The following PRKCQ variants were observed in gnomAD, a reference collection of about 807,000 sequenced individuals.
PRKCQ encodes the protein protein kinase C theta.
In PRKCQ, 41 loss-of-function variants were observed where a neutral mutation model predicts 91.2. The ratio of observed to expected loss-of-function variants is 0.45; its 90% CI spans 0.35 to 0.58. The LOEUF is 0.58. Ranked by LOEUF, PRKCQ falls within the 20% of genes least tolerant of loss-of-function variation. The pLI is 0.00. For missense variants in PRKCQ, 673 were observed against 896.5 expected (o/e 0.75, Z 3.18); for synonymous variants, 307 against 316.9 (o/e 0.97, Z 0.33).
chr10:6,443,685 A>C (rs1442235847), intron 15 of PRKCQ, among the ~76,000 whole-genome samples: 4 of 152,328 alleles, frequency 2.6e-5, no homozygotes, highest in Non-Finnish European at 4.4e-5. Context: ...GGCGTTGAAG[A>C]AAATGTGGTA....
At chr10:6,546,051 G>A (rs571776134) in intron 1 of PRKCQ, among the ~76,000 whole-genome samples, 11 of 152,214 alleles carry the variant, frequency 7.2e-5, no homozygotes, top group Admixed American at 3.3e-4. Flanking sequence ...TTTGTGTTAC[G>A]CGTATTCTAG....
intron 15 of PRKCQ, 148 bp downstream of exon 15, chr10:6,456,526 G>T: frequency 2.1e-6 from 2 of 975,128 alleles, no homozygotes; most frequent in Non-Finnish European, 2.9e-6. Flanking sequence ...AAACCCACAT[G>T]CATGGTGGCG....
At chr10:6,456,278 T>C (rs571908637) in intron 15 of PRKCQ, among the ~76,000 whole-genome samples, 1 of 152,340 alleles carries the variant, frequency 6.6e-6, no homozygotes, top group South Asian at 2.1e-4. Context: ...ACTTTGGCAA[T>C]CACTCTGTGC....
chr10:6,491,009 T>C (rs768151961), intron 8 of PRKCQ, among the ~76,000 whole-genome samples: 3 of 152,198 alleles, frequency 2.0e-5, no homozygotes, highest in Non-Finnish European at 2.9e-5. Context: ...GTTTCCTTTT[T>C]TGATGGTAGG....
chr10:6,475,234 C>T (rs1426534159), intron 12 of PRKCQ, among the ~76,000 whole-genome samples: 1 of 152,150 alleles, frequency 6.6e-6, no homozygotes. Flanking sequence ...GGTGCCGTCC[C>T]ATTAGGGCCC....
At position 6,547,755 on chromosome 10, in the gene PRKCQ, G is replaced by A. The variant is rs1235486565; in HGVS notation, c.-10+32456C>T. Among the ~76,000 whole-genome samples, 12 of 152,068 alleles carry A rather than the reference G, an allele frequency of 7.9e-5. No individual in the cohort carries two copies. In the South Asian group the frequency reaches 1.2e-3, roughly 16 times the overall value. ...TTCAAGATGGATTAAAGACTTCAAC[G>A]TTAGACCTAAAACCATAAAAACCCT... On this transcript the variant is annotated intron_variant, in intron 1 of 17. Coordinates refer to ENST00000263125, the MANE Select transcript of PRKCQ (RefSeq NM_006257.5).
At chr10:6,474,261 C>T (rs1836148503) in intron 12 of PRKCQ, among the ~76,000 whole-genome samples, 1 of 152,188 alleles carries the variant, frequency 6.6e-6, no homozygotes, top group Non-Finnish European at 1.5e-5. Context: ...CCTGGGAGGC[C>T]TCTCTTCAGA....
chr10:6,430,692 G>T lies in PRKCQ; in HGVS notation c.1965+118C>A. On this transcript the variant is annotated intron_variant, in intron 17 of 17. Coordinates refer to ENST00000263125, the MANE Select transcript of PRKCQ (RefSeq NM_006257.5). This position sits in a 1 kb window ranked among gnomAD's most constrained non-coding sequence, Gnocchi z 4.7. ...GACGTGCATTCCTCCTGGAGAGTGGGGCTGGTGGGGAGTTGGGGCACCGGC... is the reference window on the plus strand; with the variant it reads ...GACGTGCATTCCTCCTGGAGAGTGGTGCTGGTGGGGAGTTGGGGCACCGGC... 7.1e-7 allele frequency: 1 copy of T among 1,399,364 alleles called. No homozygotes were observed. The highest frequency in any genetic ancestry group is 9.8e-7 in the Non-Finnish European group (1 of 1,021,728). 86.7% of individuals were successfully genotyped at this position (1,399,364 alleles called of 1,614,324 possible).
At position 6,576,317 on chromosome 10, in the gene PRKCQ, C is replaced by A. The variant is rs1303285403; in HGVS notation, c.-10+3894G>T. On this transcript the variant is annotated intron_variant, in intron 1 of 17. Transcript: ENST00000263125. This position sits in a 1 kb window ranked among gnomAD's most constrained non-coding sequence, Gnocchi z 4.2. ...AGATAGAAGCAACCATCAACAGATACAAGGATAAGCAAAATGTGGTATATC... is the reference window on the plus strand; with the variant it reads ...AGATAGAAGCAACCATCAACAGATAAAAGGATAAGCAAAATGTGGTATATC... Among the ~76,000 whole-genome samples, 1 of 152,118 alleles carries A rather than the reference C, an allele frequency of 6.6e-6. No individual in the cohort carries two copies. Among genetic ancestry groups the A allele is most frequent in the African/African-American group, 2.4e-5 (1 of 41,410 alleles).
At chr10:6,401,874 G>A in the PRKCQ span, among the ~76,000 whole-genome samples, 1 of 152,196 alleles carries the variant, frequency 6.6e-6, no homozygotes, top group African/African-American at 2.4e-5. Context: ...GCTGAAGCCT[G>A]GAATTCTTCC....
At chr10:6,404,582 T>C in the PRKCQ span, among the ~76,000 whole-genome samples, 1 of 145,056 alleles carries the variant, frequency 6.9e-6, no homozygotes. Flanking sequence ...TCTCTTTCTT[T>C]CTTTCTTTTT....
intron 12 of PRKCQ, among the ~76,000 whole-genome samples, chr10:6,474,366 G>A (rs1471320296): frequency 2.0e-5 from 3 of 152,210 alleles, no homozygotes; most frequent in South Asian, 2.1e-4. Flanking sequence ...CTACTTAGGT[G>A]TGAAATAGTA....
At chr10:6,413,679 T>G in the PRKCQ span, among the ~76,000 whole-genome samples, 1 of 115,632 alleles carries the variant, frequency 8.6e-6, no homozygotes, top group African/African-American at 3.6e-5. Flanking sequence ...AAATGCCACT[T>G]GTGCACACAC....
At chr10:6,432,346 G>A (rs11258759) in intron 16 of PRKCQ, among the ~76,000 whole-genome samples, 27,296 of 152,072 alleles carry the variant, frequency 0.18, 3,156 homozygotes, top group Non-Finnish European at 0.24. Context: ...AAAATATAAA[G>A]ACCAAACAAC....
At chr10:6,414,919 G>C in the PRKCQ span, among the ~76,000 whole-genome samples, 1 of 151,912 alleles carries the variant, frequency 6.6e-6, no homozygotes, top group Non-Finnish European at 1.5e-5. Flanking sequence ...AAGAAATAAT[G>C]GCCTCCAACT....
intron 1 of PRKCQ, among the ~76,000 whole-genome samples, chr10:6,556,851 C>T (rs1213942777): frequency 1.3e-5 from 2 of 152,150 alleles, no homozygotes; most frequent in South Asian, 2.1e-4. Context: ...TCTGCCTTCT[C>T]CACCTCGGCA....
chr10:6,478,848 G>T, intron 12 of PRKCQ, 144 bp downstream of exon 12: 1 of 837,796 alleles, frequency 1.2e-6, no homozygotes, highest in Non-Finnish European at 1.9e-6. Flanking sequence ...TGTGTAGAAG[G>T]GATGTTTGGA....
intron 15 of PRKCQ, among the ~76,000 whole-genome samples, chr10:6,449,713 C>T (rs1008967795): frequency 3.9e-5 from 6 of 152,244 alleles, no homozygotes; most frequent in East Asian, 3.9e-4. Flanking sequence ...AAGGGAAGCC[C>T]GTCAGACTAA....
Position 6,510,985 on chromosome 10 carries a change from G to A in PRKCQ, c.318+10C>T. The A allele has an allele frequency of 6.2e-7, 1 of 1,614,002 alleles. No individual in the cohort carries two copies. Among genetic ancestry groups the A allele is most frequent in the South Asian group, 1.1e-5 (1 of 91,082 alleles). Reference sequence around the variant, plus strand: ...TATCCCTTATGTGCATACACTTTATGCAACGTTACCCATATTTCTGTCTTC... The same window carrying A: ...TATCCCTTATGTGCATACACTTTATACAACGTTACCCATATTTCTGTCTTC... On this transcript the variant is annotated intron_variant, in intron 3 of 17. Coordinates refer to ENST00000263125, the MANE Select transcript of PRKCQ (RefSeq NM_006257.5).
Sources: allele counts gnomAD v4.1 joint callset (sites outside exome capture counted in the v4.1 genomes callset), GRCh38; gene constraint gnomAD v4.1.1; non-coding constraint Gnocchi (gnomAD v3.1); transcripts MANE v1.5; gene names NCBI Gene and HGNC (gene_info 2026-07-23, HGNC 2026-07-21).